The following DNAJC6 variants were observed in gnomAD, a reference collection of about 807,000 sequenced individuals.
DNAJC6 encodes the protein auxilin.
A neutral mutation model predicts 110.0 loss-of-function variants in DNAJC6; 34 were observed. The ratio of observed to expected loss-of-function variants is 0.31; its 90% CI spans 0.24 to 0.41. The LOEUF is 0.41. Ranked by LOEUF, DNAJC6 falls within the 10% of genes least tolerant of loss-of-function variation. The pLI is 1.00. For missense variants in DNAJC6, 1,031 were observed against 1,207.8 expected (o/e 0.85, Z 2.17); for synonymous variants, 406 against 437.2 (o/e 0.93, Z 0.89).
intron 1 of DNAJC6, among the ~76,000 whole-genome samples, chr1:65,362,674 G>T (rs1645609145): frequency 6.6e-6 from 1 of 152,098 alleles, no homozygotes; most frequent in Non-Finnish European, 1.5e-5. Context: ...TGACTTCCAG[G>T]GTCACACAGC....
intron 1 of DNAJC6, among the ~76,000 whole-genome samples, chr1:65,326,512 TAGTC>T (rs945113331): frequency 1.3e-5 from 2 of 152,206 alleles, no homozygotes; most frequent in South Asian, 2.1e-4. Context: ...ACCCGTTTCT[TAGTC>T]AGTCTATTTA....
At chr1:65,408,579 T>C (rs893476111) in intron 16 of DNAJC6, 62 bp from the exon 17 acceptor site, 14 of 1,563,690 alleles carry the variant, frequency 9.0e-6, no homozygotes, top group South Asian at 1.2e-5. Flanking sequence ...TGCTGTGAGA[T>C]AATGATACAG....
intron 1 of DNAJC6, among the ~76,000 whole-genome samples, chr1:65,302,165 TTA>T (rs1644990828): frequency 7.0e-6 from 1 of 142,084 alleles, no homozygotes; most frequent in Non-Finnish European, 1.5e-5. Context: ...TTATTATATA[TTA>T]TATTATACAT....
chr1:65,323,909 AT>A (rs1645218066), intron 1 of DNAJC6, among the ~76,000 whole-genome samples: 1 of 152,172 alleles, frequency 6.6e-6, no homozygotes, highest in Non-Finnish European at 1.5e-5. Flanking sequence ...TGCCCAGCCA[AT>A]AATGCCTTTC....
At chr1:65,397,014 T>G (rs1026958094) in intron 13 of DNAJC6, among the ~76,000 whole-genome samples, 18 of 152,208 alleles carry the variant, frequency 1.2e-4, no homozygotes, top group Non-Finnish European at 1.9e-4. Flanking sequence ...CTTGGCAGCT[T>G]GGCAGTTTTG....
chr1:65,278,939 A>G (rs1448128410), intron 1 of DNAJC6: 1 of 983,000 alleles, frequency 1.0e-6, no homozygotes, highest in African/African-American at 1.7e-5. Flanking sequence ...CCTGCGAGTC[A>G]GCACTTCACT....
intron 1 of DNAJC6, among the ~76,000 whole-genome samples, chr1:65,283,398 G>T (rs1343319904): frequency 6.6e-6 from 1 of 152,098 alleles, no homozygotes; most frequent in African/African-American, 2.4e-5. Context: ...AAACCATGAA[G>T]GTATCCCCAA....
intron 1 of DNAJC6, among the ~76,000 whole-genome samples, chr1:65,314,216 G>T (rs1261644912): frequency 2.7e-5 from 4 of 150,572 alleles, no homozygotes; most frequent in Non-Finnish European, 5.9e-5. Flanking sequence ...TAAAAAAAAA[G>T]AATAAGGATA....
intron 16 of DNAJC6, among the ~76,000 whole-genome samples, chr1:65,406,767 G>A (rs1646080970): frequency 1.3e-5 from 2 of 152,160 alleles, no homozygotes; most frequent in South Asian, 4.1e-4. Context: ...TTTTGCATAG[G>A]AAGGATGGTT....
chr1:65,380,613 A>T (rs940673562), intron 5 of DNAJC6, among the ~76,000 whole-genome samples: 19 of 152,136 alleles, frequency 1.2e-4, no homozygotes, highest in African/African-American at 4.6e-4. Flanking sequence ...AACCTTAAGG[A>T]CCTTGGTGAT....
chr1:65,329,667 T>G (rs532705889), intron 1 of DNAJC6, among the ~76,000 whole-genome samples: 11 of 152,294 alleles, frequency 7.2e-5, no homozygotes, highest in Non-Finnish European at 1.3e-4. Context: ...TTCACCTTTT[T>G]TGCTCTGTCT....
intron 1 of DNAJC6, among the ~76,000 whole-genome samples, chr1:65,266,359 A>G (rs1653331016): frequency 6.6e-6 from 1 of 152,226 alleles, no homozygotes; most frequent in Non-Finnish European, 1.5e-5. Context: ...AGGCTCTTAA[A>G]CAATCCCACT....
At chr1:65,358,907 A>G (rs1317883554) in intron 1 of DNAJC6, among the ~76,000 whole-genome samples, 1 of 152,192 alleles carries the variant, frequency 6.6e-6, no homozygotes, top group South Asian at 2.1e-4. Context: ...TTAGAGGACC[A>G]GATGGAATTA....
At chr1:65,384,412 A>G in intron 6 of DNAJC6, 86 bp downstream of exon 6, 3 of 1,251,948 alleles carry the variant, frequency 2.4e-6, no homozygotes, top group Non-Finnish European at 2.0e-6. Context: ...AAATCCTTTC[A>G]TAAGTTTCTT....
chr1:65,412,495 A>G (rs1358837375), intron 18 of DNAJC6, among the ~76,000 whole-genome samples: 5 of 152,226 alleles, frequency 3.3e-5, no homozygotes, highest in African/African-American at 1.2e-4. Flanking sequence ...AATTTTGATG[A>G]ATCAAAAGAG....
chr1:65,386,576 AT>A (rs1645874844), intron 7 of DNAJC6, among the ~76,000 whole-genome samples: 1 of 152,196 alleles, frequency 6.6e-6, no homozygotes, highest in African/African-American at 2.4e-5. Context: ...GGCATGGGCA[AT>A]TGCAGTCCAG....
chr1:65,348,732 A>G (rs1217249602), intron 1 of DNAJC6, among the ~76,000 whole-genome samples: 1 of 151,188 alleles, frequency 6.6e-6, no homozygotes, highest in African/African-American at 2.4e-5. Flanking sequence ...TCTTTTAGTG[A>G]TAGTATCTGG....
chr1:65,300,136 A>G (rs1644965510), intron 1 of DNAJC6, among the ~76,000 whole-genome samples: 1 of 152,186 alleles, frequency 6.6e-6, no homozygotes, highest in African/African-American at 2.4e-5. Context: ...ACATAACAGA[A>G]AAAAGCAAAA....
intron 1 of DNAJC6, among the ~76,000 whole-genome samples, chr1:65,322,471 C>G (rs1645205844): frequency 6.6e-6 from 1 of 152,108 alleles, no homozygotes; most frequent in African/African-American, 2.4e-5. Context: ...TCATAGATAA[C>G]TTTCTATATT....
Sources: gnomAD v4.1 joint callset for allele counts (sites outside exome capture counted in the v4.1 genomes callset) on GRCh38, gnomAD v4.1.1 for gene constraint, MANE v1.5 for transcripts, NCBI Gene and HGNC (gene_info 2026-07-23, HGNC 2026-07-21) for gene names.